LTBP2: variants seen among roughly 807,000 people sequenced by gnomAD.
The protein encoded by LTBP2 is latent-transforming growth factor beta-binding protein 2.
A neutral mutation model predicts 210.6 loss-of-function variants in LTBP2; 103 were observed. The observed-to-expected ratio is 0.49, with a 90% CI of 0.42 to 0.58. The LOEUF (loss-of-function observed/expected upper bound fraction) is 0.58, where lower values mean the gene tolerates loss of function less well. Among genes scored for constraint, LTBP2 ranks in the 20% least tolerant of loss-of-function variants. LTBP2 has a pLI of 0.00. For missense variants in LTBP2, 2,313 were observed against 2,494.5 expected, an observed-to-expected ratio of 0.93 and a Z score of 1.55; for synonymous variants, 1,007 against 1,015.0, an observed-to-expected ratio of 0.99 and a Z score of 0.15.
At chr14:74,570,095 T>C (rs35779226) in intron 3 of LTBP2, among the ~76,000 whole-genome samples, 8,196 of 151,654 alleles carry the variant, frequency 0.054, 306 homozygotes, top group African/African-American at 0.092. Flanking sequence ...CTACAGGAGA[T>C]TGGAGGAGGG....
At chr14:74,597,967 G>T (rs1031801590) in intron 2 of LTBP2, among the ~76,000 whole-genome samples, 2 of 152,174 alleles carry the variant, frequency 1.3e-5, no homozygotes, top group Admixed American at 6.5e-5. Context: ...CCACAGCGAG[G>T]TGCTGCGCTC....
chr14:74,581,643 C>T (rs1435729657), intron 3 of LTBP2, among the ~76,000 whole-genome samples: 1 of 152,180 alleles, frequency 6.6e-6, no homozygotes, highest in African/African-American at 2.4e-5. Context: ...TGCAGATAAC[C>T]TGAATGAGCG....
intron 3 of LTBP2, among the ~76,000 whole-genome samples, chr14:74,562,551 T>A (rs747858338): frequency 1.3e-4 from 20 of 151,778 alleles, no homozygotes; most frequent in Admixed American, 2.0e-4. Context: ...AATATCAGAG[T>A]TCCTAGAAAC....
chr14:74,523,033 T>C (rs2087228458), intron 15 of LTBP2, 115 bp from the exon 16 acceptor site: 1 of 1,283,128 alleles, frequency 7.8e-7, no homozygotes, highest in African/African-American at 1.5e-5. Context: ...AGGCCAACCT[T>C]AGCCAGGCCC....
At chr14:74,535,875 G>T in intron 9 of LTBP2, 51 bp downstream of exon 9, 1 of 1,511,460 alleles carries the variant, frequency 6.6e-7, no homozygotes. Context: ...GTCTGGTGCT[G>T]GGAGTGTGCC....
Position 74,503,510 on chromosome 14 carries a change from T to A in LTBP2, c.4679A>T (p.Asp1560Val). ...HCFCSPPLTL[D>V]LSQQRCMNST... ...GTTCATGCAGCGCTGCTGGCTGAGG[T>A]CCAGGGTGAGCGGGGGGCTGCAGAA... The change falls in exon 32 of 36, where the codon GAC becomes GTC. Residue 1560 changes from aspartate to valine, a missense_variant. Physicochemically the swap from Asp to Val is radical, Grantham distance 152 (BLOSUM62 -3). Around this residue, in one of 3 missense-constraint regions of LTBP2, gnomAD observed 443 missense variants for 501.4 expected, o/e 0.88. Transcript: ENST00000261978. 6.2e-7 allele frequency: 1 copy of A among 1,613,136 alleles called. No homozygotes were observed. The highest frequency in any genetic ancestry group is 1.1e-5 in the South Asian group (1 of 90,936).
Position 74,549,929 on chromosome 14 carries a change from C to A in LTBP2, c.1723G>T (p.Asp575Tyr). 6.2e-7 allele frequency: 1 copy of A among 1,614,130 alleles called. No individual in the cohort carries two copies. The highest frequency in any genetic ancestry group is 8.5e-7 in the Non-Finnish European group (1 of 1,179,986). ...NPLLELTTQE[D>Y]CCGSVGAFWG... ...AAGGCTCCCACACTGCCACAGCAGT[C>A]CTCCTGGGTAGTCAGCTCCAGCAGA... Residue 575 changes from aspartate (D) to tyrosine (Y), a missense_variant, in exon 8 of 36, where the codon GAC becomes TAC. Physicochemically the swap from Asp to Tyr is radical, Grantham distance 160. Transcript: ENST00000261978.
rs565053460 is a variant in LTBP2, at chr14:74,540,194, C to T, written c.1790-4194G>A. On this transcript the variant is annotated intron_variant, in intron 8 of 35. Transcript: ENST00000261978. ...TGAATCCAAAAAATCAGGTTAAGGC[C>T]GGGCATGGTGGCTCATGCCTGTAAT... Among the ~76,000 whole-genome samples, 90 of 152,114 alleles carry T rather than the reference C, an allele frequency of 5.9e-4. 1 individual carries two copies. Among genetic ancestry groups the T allele is most frequent in the East Asian group, 1.6e-3 (8 of 5,160 alleles).
Position 74,505,077 on chromosome 14 carries a change from A to C in LTBP2, c.4275T>G (p.Ser1425Arg). The C allele has an allele frequency of 1.2e-6, 2 of 1,614,148 alleles. No homozygotes were observed. The highest frequency in any genetic ancestry group is 1.7e-6 in the Non-Finnish European group (2 of 1,180,038). The change falls in exon 29 of 36, where the codon AGT (serine) becomes AGG (arginine). Residue 1425 changes from serine to arginine, a missense_variant. Physicochemically the swap from Ser to Arg is moderately radical, Grantham distance 110. This residue lies in a region of LTBP2 where 1,867 missense variants were observed against 1,976.9 expected (regional missense o/e 0.94). Coordinates refer to ENST00000261978, the MANE Select transcript of LTBP2 (RefSeq NM_000428.3). ...SGQKGHAPCS[S>R]VLGRNTTQAE... Reference sequence around the variant, plus strand: ...CCTGTGTGGTGTTCCGGCCCAGGACACTGGAGCAGGGCGCATGGCCCTTCT... The same window carrying C: ...CCTGTGTGGTGTTCCGGCCCAGGACCCTGGAGCAGGGCGCATGGCCCTTCT...
chr14:74,508,816 C>A lies in LTBP2; in HGVS notation c.3526+14G>T. On this transcript the variant is annotated intron_variant, in intron 23 of 35. Transcript: ENST00000261978. Reference sequence around the variant, plus strand: ...ATGCCCCCCACCCCCAGTAGGGTGACCTGGGTCACTCACCCTCACACACGG... The same window carrying A: ...ATGCCCCCCACCCCCAGTAGGGTGAACTGGGTCACTCACCCTCACACACGG... 6.2e-7 allele frequency: 1 copy of A among 1,613,698 alleles called. No individual in the cohort carries two copies. Among genetic ancestry groups the A allele is most frequent in the Non-Finnish European group, 8.5e-7 (1 of 1,179,932 alleles).
chr14:74,556,628 T>C (rs1343202505), intron 3 of LTBP2, among the ~76,000 whole-genome samples: 4 of 152,262 alleles, frequency 2.6e-5, no homozygotes, highest in Non-Finnish European at 1.5e-5. Flanking sequence ...GCAATTCTCC[T>C]GCCTCAGCCT....
Position 74,611,525 on chromosome 14 carries a change from C to T in LTBP2, c.420G>A (p.Pro140=). The change falls in exon 1 of 36, where the codon CCG becomes CCA. Residue 140 remains proline, a synonymous_variant. Transcript: ENST00000261978. ...QQPAPRTRAA[P]ALPRLGTPQR... is the part of the protein sequence containing the mutation. ...GTGGGGTCCCCAGGCGTGGGAGAGC[C>T]GGCGCGGCCCGGGTCCGGGGTGCTG... 1 of 1,544,772 alleles carries T rather than the reference C, an allele frequency of 6.5e-7. No individual in the cohort carries two copies. The highest frequency in any genetic ancestry group is 8.7e-7 in the Non-Finnish European group (1 of 1,154,728).
intron 6 of LTBP2, 75 bp from the exon 7 acceptor site, chr14:74,551,425 AC>A: frequency 7.1e-7 from 1 of 1,407,640 alleles, no homozygotes; most frequent in Non-Finnish European, 9.5e-7. Context: ...AAGGGTATCC[AC>A]CACCCCTGGG....
Position 74,552,440 on chromosome 14 carries a change from AC to A in LTBP2, c.1193-48del, listed in dbSNP as rs1281055223. ...TAACCAGCGGTGGAAGAACAGCAGC[AC>A]CCGCTCTGTGGCTGGTGACCACCAC... On this transcript the variant is annotated intron_variant, in intron 5 of 35. Transcript: ENST00000261978. The A allele has an allele frequency of 5.2e-6, 8 of 1,549,684 alleles. No individual in the cohort carries two copies. In the African/African-American group the frequency reaches 1.1e-4, roughly 21 times the overall value.
At chr14:74,533,225 C>A (rs2087374803) in intron 9 of LTBP2, among the ~76,000 whole-genome samples, 1 of 152,234 alleles carries the variant, frequency 6.6e-6, no homozygotes, top group African/African-American at 2.4e-5. Flanking sequence ...CCATTTAATT[C>A]TCACAAACAA....
chr14:74,504,710 C>T, intron 30 of LTBP2, 68 bp downstream of exon 30: 3 of 1,495,928 alleles, frequency 2.0e-6, no homozygotes, highest in Non-Finnish European at 2.8e-6. Context: ...TCCCCAGGGA[C>T]CCTGTGGAGG....
At chr14:74,501,928 G>T (rs1467754994) in intron 34 of LTBP2, 10 of 407,154 alleles carry the variant, frequency 2.5e-5, no homozygotes, top group Non-Finnish European at 4.1e-5. Context: ...TGGGCGTGGG[G>T]AAGGGGTGAG....
chr14:74,600,620 A>C (rs1164933854), intron 2 of LTBP2, among the ~76,000 whole-genome samples: 1 of 151,922 alleles, frequency 6.6e-6, no homozygotes, highest in African/African-American at 2.4e-5. Context: ...CTATGCCCAG[A>C]CCCCTGGGGC....
At chr14:74,528,057 G>T (rs970325269) in intron 12 of LTBP2, among the ~76,000 whole-genome samples, 5 of 152,196 alleles carry the variant, frequency 3.3e-5, no homozygotes, top group African/African-American at 1.2e-4. Flanking sequence ...TGGGGTCCAA[G>T]GCCGTTGAGC....
Sources: gnomAD v4.1 joint callset for allele counts (sites outside exome capture counted in the v4.1 genomes callset) on GRCh38, gnomAD v4.1.1 for gene constraint, gnomAD v4.1.1 regional missense constraint, MANE v1.5 for transcripts, NCBI Gene and HGNC (gene_info 2026-07-23, HGNC 2026-07-21) for gene names.